Variants in GNA12 observed in about 807,000 individuals in gnomAD.
GNA12 encodes the protein guanine nucleotide-binding protein subunit alpha-12.
In GNA12, 9 loss-of-function variants were observed where a neutral mutation model predicts 26.0. The ratio of observed to expected loss-of-function variants is 0.35; its 90% CI spans 0.21 to 0.60. GNA12 has a LOEUF of 0.60. GNA12 is among the 20% of genes least tolerant of loss of function. The pLI is 0.78. For synonymous variants in GNA12, 264 were observed against 219.6 expected (o/e 1.20, Z -1.79); for missense variants, 405 against 525.8 (o/e 0.77, Z 2.25).
At chr7:2,816,632 C>T (rs1176138504) in intron 1 of GNA12, among the ~76,000 whole-genome samples, 1 of 152,108 alleles carries the variant, frequency 6.6e-6, no homozygotes, top group African/African-American at 2.4e-5. Context: ...AAAACATGTA[C>T]AGAACACAAA....
Position 2,829,333 on chromosome 7 carries a change from G to GT in GNA12, c.309+14519dup, listed in dbSNP as rs1189495450. Among the ~76,000 whole-genome samples, 3 of 152,268 alleles carry GT rather than the reference G, an allele frequency of 2.0e-5. No homozygotes were observed. The East Asian group carries it at 5.8e-4, about 29-fold the overall frequency. On this transcript the variant is annotated intron_variant, in intron 1 of 3. Transcript: ENST00000275364. ...AACTAAGGCTTCTTTAAACACTGAGGTTTAGGTTCATGTTTTTTGTGCAAA... is the reference window on the plus strand; with the variant it reads ...AACTAAGGCTTCTTTAAACACTGAGGTTTTAGGTTCATGTTTTTTGTGCAAA...
At chr7:2,772,924 G>A (rs1001547592) in intron 2 of GNA12, among the ~76,000 whole-genome samples, 3 of 152,198 alleles carry the variant, frequency 2.0e-5, no homozygotes, top group African/African-American at 4.8e-5. Flanking sequence ...AAATTATGGT[G>A]TATTCATTTA....
At chr7:2,752,911 G>C (rs1400716828) in intron 2 of GNA12, among the ~76,000 whole-genome samples, 2 of 152,142 alleles carry the variant, frequency 1.3e-5, no homozygotes, top group Non-Finnish European at 2.9e-5. Flanking sequence ...CATGCACTTT[G>C]TCACCTGTCT....
chr7:2,812,636 A>AACATC (rs3831678), intron 1 of GNA12, among the ~76,000 whole-genome samples: 16,637 of 134,002 alleles, frequency 0.12, 1,685 homozygotes, highest in Middle Eastern at 0.18. Flanking sequence ...TCTCAAAAAT[A>AACATC]ACATCACATC....
intron 2 of GNA12, among the ~76,000 whole-genome samples, chr7:2,779,050 T>G (rs768519962): frequency 6.6e-6 from 1 of 152,166 alleles, no homozygotes; most frequent in Non-Finnish European, 1.5e-5. Flanking sequence ...AGACTATCTC[T>G]ACAAAAAATA....
chr7:2,762,738 C>G (rs1791622815), intron 2 of GNA12: 1 of 1,555,362 alleles, frequency 6.4e-7, no homozygotes. Flanking sequence ...TGTCCTCCCT[C>G]CCGCAGGAAG....
At chr7:2,748,064 C>T (rs1409648781) in intron 2 of GNA12, among the ~76,000 whole-genome samples, 5 of 150,344 alleles carry the variant, frequency 3.3e-5, no homozygotes, top group African/African-American at 9.8e-5. Context: ...GAATCGATAT[C>T]ATGAAAATGG....
intron 1 of GNA12, among the ~76,000 whole-genome samples, chr7:2,836,311 T>C (rs1465115283): frequency 6.6e-6 from 1 of 152,074 alleles, no homozygotes; most frequent in Non-Finnish European, 1.5e-5. Context: ...ACAGCTCTAC[T>C]CCTCCCAGGT....
intron 2 of GNA12, among the ~76,000 whole-genome samples, chr7:2,782,744 G>A (rs1348617945): frequency 1.3e-5 from 2 of 151,634 alleles, no homozygotes. Flanking sequence ...CAAACATGGT[G>A]CTGCCCCGAC....
intron 1 of GNA12, among the ~76,000 whole-genome samples, chr7:2,798,681 CATTAA>C (rs1792736619): frequency 1.3e-5 from 2 of 152,130 alleles, no homozygotes; most frequent in East Asian, 3.8e-4. Flanking sequence ...TATGAAAAAG[CATTAA>C]ATTAGCTAAA....
chr7:2,815,023 A>C, intron 1 of GNA12: 1 of 1,511,318 alleles, frequency 6.6e-7, no homozygotes, highest in Non-Finnish European at 8.9e-7. Flanking sequence ...CTTCCACCCA[A>C]TCCAGTCCCC....
chr7:2,786,419 G>A (rs963947217), intron 2 of GNA12, among the ~76,000 whole-genome samples: 1 of 152,174 alleles, frequency 6.6e-6, no homozygotes, highest in African/African-American at 2.4e-5. Flanking sequence ...AAGCAGCAAA[G>A]AATGTCAATA....
chr7:2,759,140 A>AAAGT (rs372174848), intron 2 of GNA12, among the ~76,000 whole-genome samples: 6 of 144,700 alleles, frequency 4.1e-5, no homozygotes, highest in Non-Finnish European at 9.0e-5. Flanking sequence ...ACACTGTCTC[A>AAAGT]AAATAAATAA....
intron 1 of GNA12, among the ~76,000 whole-genome samples, chr7:2,829,422 G>C (rs993079964): frequency 5.3e-5 from 8 of 152,116 alleles, no homozygotes; most frequent in African/African-American, 1.9e-4. Context: ...GCTGACAGTG[G>C]GTAGGATTCA....
chr7:2,801,358 G>A (rs79828151), intron 1 of GNA12, among the ~76,000 whole-genome samples: 358 of 152,324 alleles, frequency 2.4e-3, no homozygotes, highest in Admixed American at 6.2e-3. Flanking sequence ...GACGAAGTCA[G>A]GGGGCCAGGT....
chr7:2,826,454 T>G (rs1793487909), intron 1 of GNA12, among the ~76,000 whole-genome samples: 1 of 149,646 alleles, frequency 6.7e-6, no homozygotes, highest in Admixed American at 6.6e-5. Flanking sequence ...TTGAAATGAG[T>G]TGAACACTTA....
intron 1 of GNA12, among the ~76,000 whole-genome samples, chr7:2,831,320 T>C (rs1793601100): frequency 6.6e-6 from 1 of 151,994 alleles, no homozygotes; most frequent in South Asian, 2.1e-4. Flanking sequence ...TTTCGATCCA[T>C]ATCTATCTAA....
intron 2 of GNA12, among the ~76,000 whole-genome samples, chr7:2,775,086 T>C (rs944276436): frequency 1.3e-5 from 2 of 152,200 alleles, no homozygotes; most frequent in African/African-American, 4.8e-5. Context: ...CTAACATCTT[T>C]CAAGTTTTTG....
chr7:2,838,246 G>A (rs1181940998), intron 1 of GNA12, among the ~76,000 whole-genome samples: 1 of 143,902 alleles, frequency 6.9e-6, no homozygotes, highest in Admixed American at 7.0e-5. Context: ...AAACCTAGGG[G>A]AACTACCAAG....
Sources: gnomAD v4.1 joint callset for allele counts (sites outside exome capture counted in the v4.1 genomes callset) on GRCh38, gnomAD v4.1.1 for gene constraint, MANE v1.5 for transcripts, NCBI Gene and HGNC (gene_info 2026-07-23, HGNC 2026-07-21) for gene names.